KIF1A: variants seen among roughly 807,000 people sequenced by gnomAD.
The protein encoded by KIF1A is kinesin family member 1A.
In KIF1A, 46 loss-of-function variants were observed where a neutral mutation model predicts 227.3. That is an observed-to-expected ratio of 0.20 (90% CI 0.16 to 0.26). The LOEUF is 0.26. KIF1A is among the 10% of genes least tolerant of loss of function. KIF1A has a pLI of 1.00. For synonymous variants in KIF1A, 1,022 were observed against 1,012.8 expected, an observed-to-expected ratio of 1.01 and a Z score of -0.17; for missense variants, 1,683 against 2,485.9, an observed-to-expected ratio of 0.68 and a Z score of 6.87.
At position 240,786,484 on chromosome 2, in the gene KIF1A, G is replaced by A. The variant is rs201515208; in HGVS notation, c.459C>T (p.Arg153=). ...TCTTGGGGTTCAGGAGGTCACGGACGCGCTCACAGTAAATCTCCATGTAGC... is the reference window on the plus strand; with the variant it reads ...TCTTGGGGTTCAGGAGGTCACGGACACGCTCACAGTAAATCTCCATGTAGC... The part of the protein sequence containing the change: ...EVSYMEIYCE[R]VRDLLNPKNK... The change falls in exon 6 of 49, where the codon CGC becomes CGT. Residue 153 remains arginine (R), a synonymous_variant. Coordinates refer to ENST00000498729, the MANE Select transcript of KIF1A (RefSeq NM_001244008.2). The A allele has an allele frequency of 1.2e-4, 187 of 1,613,324 alleles. No individual in the cohort carries two copies. Among genetic ancestry groups the A allele is most frequent in the Non-Finnish European group, 1.4e-4 (170 of 1,179,734 alleles).
chr2:240,771,341 C>CT (rs1198452070), intron 14 of KIF1A: 2 of 596,978 alleles, frequency 3.4e-6, no homozygotes, highest in Non-Finnish European at 6.0e-6. Context: ...CATGCAAGGC[C>CT]TTCCTGCCAC....
intron 46 of KIF1A, 46 bp from the exon 47 acceptor site, chr2:240,719,244 CGACT>C: frequency 6.4e-7 from 1 of 1,566,764 alleles, no homozygotes; most frequent in Non-Finnish European, 8.7e-7. Flanking sequence ...GTGGGGGCAG[CGACT>C]GACTCGGGCA....
At chr2:240,765,312 C>T (rs2051033885) in intron 20 of KIF1A, among the ~76,000 whole-genome samples, 2 of 152,230 alleles carry the variant, frequency 1.3e-5, no homozygotes, top group African/African-American at 4.8e-5. Context: ...AGCAGCCCAC[C>T]CCACTGAGCT....
chr2:240,818,161 C>T (rs1575686677), intron 1 of KIF1A, among the ~76,000 whole-genome samples: 1 of 152,188 alleles, frequency 6.6e-6, no homozygotes, highest in East Asian at 1.9e-4. Context: ...GGGACCCCTG[C>T]CTTGACAACT....
chr2:240,722,055 C>T (rs906824811), intron 43 of KIF1A, among the ~76,000 whole-genome samples, 171 bp from the exon 44 acceptor site: 1 of 152,176 alleles, frequency 6.6e-6, no homozygotes, highest in Non-Finnish European at 1.5e-5. Context: ...TCGGGTGAGC[C>T]CAGGAAGTCT....
At chr2:240,800,730 C>A (rs1188141051) in intron 1 of KIF1A, among the ~76,000 whole-genome samples, 1 of 152,162 alleles carries the variant, frequency 6.6e-6, no homozygotes, top group Non-Finnish European at 1.5e-5. Context: ...ATTTTAAAAA[C>A]CCAAGCTGAA....
chr2:240,794,297 T>A (rs144143950), intron 2 of KIF1A, among the ~76,000 whole-genome samples: 2 of 152,242 alleles, frequency 1.3e-5, no homozygotes, highest in African/African-American at 4.8e-5. Context: ...TTCTCCAAAA[T>A]GAAAACAGCT....
At chr2:240,811,810 G>T (rs1559548864) in intron 1 of KIF1A, among the ~76,000 whole-genome samples, 1 of 152,194 alleles carries the variant, frequency 6.6e-6, no homozygotes, top group African/African-American at 2.4e-5. Context: ...GCTGGTGGTG[G>T]CAGGGTGGGG....
At position 240,726,870 on chromosome 2, in the gene KIF1A, G is replaced by C; in HGVS notation, c.4078C>G (p.Pro1360Ala). The change falls in exon 39 of 49, where the codon CCT becomes GCT. Residue 1360 changes from proline to alanine, a missense_variant. Coordinates refer to ENST00000498729, the MANE Select transcript of KIF1A (RefSeq NM_001244008.2). The surrounding 1 kb of genome is among the most constrained non-coding windows in gnomAD (Gnocchi z 5.2). Reference protein sequence around the residue: ...HNSLLLNRVTPYREKIYMTLS... With the variant: ...HNSLLLNRVTAYREKIYMTLS... ...GTCATGTAGATTTTCTCTCGATAAG[G>C]GGTGACCCGGTTCAGCAGGAGAGAG... 1 of 1,612,800 alleles carries C rather than the reference G, an allele frequency of 6.2e-7. No homozygotes were observed. The highest frequency in any genetic ancestry group is 8.5e-7 in the Non-Finnish European group (1 of 1,179,480).
At chr2:240,785,963 C>A (rs1296084082) in intron 6 of KIF1A, among the ~76,000 whole-genome samples, 2 of 152,180 alleles carry the variant, frequency 1.3e-5, no homozygotes, top group Non-Finnish European at 2.9e-5. Context: ...AGCCGACCCT[C>A]CCCACATGCC....
intron 27 of KIF1A, among the ~76,000 whole-genome samples, chr2:240,750,983 C>T (rs1284207368): frequency 6.6e-6 from 1 of 152,170 alleles, no homozygotes; most frequent in Non-Finnish European, 1.5e-5. Flanking sequence ...CTGATGCTCA[C>T]GGACCCCGCA....
intron 20 of KIF1A, among the ~76,000 whole-genome samples, chr2:240,764,634 C>T (rs1167028916): frequency 6.6e-6 from 1 of 152,164 alleles, no homozygotes; most frequent in African/African-American, 2.4e-5. Context: ...GAAAGGGTCT[C>T]CCCTGTTCCA....
chr2:240,787,810 T>C (rs2055138548), intron 4 of KIF1A, among the ~76,000 whole-genome samples: 1 of 152,168 alleles, frequency 6.6e-6, no homozygotes, highest in Non-Finnish European at 1.5e-5. Flanking sequence ...CTTAGGCACA[T>C]GATCAAGGTG....
Position 240,778,724 on chromosome 2 carries a change from G to A in KIF1A, c.883-2798C>T, listed in dbSNP as rs972432510. On this transcript the variant is annotated intron_variant, in intron 10 of 48. Coordinates refer to ENST00000498729, the MANE Select transcript of KIF1A (RefSeq NM_001244008.2). This position sits in a 1 kb window ranked among gnomAD's most constrained non-coding sequence, Gnocchi z 7.2. ...TCCCATCCAGCTCCTCACACTCCCC[G>A]ACAACCCCTCGCACACGTCTCTGCA... 2.8e-5 allele frequency among the ~76,000 whole-genome samples: 4 copies of A among 144,166 alleles called. No individual in the cohort carries two copies. The highest frequency in any genetic ancestry group is 5.2e-5 in the African/African-American group (2 of 38,416). The allele number at this position is 144,166 out of a possible 152,430, so 94.6% of individuals were successfully genotyped here.
intron 20 of KIF1A, among the ~76,000 whole-genome samples, chr2:240,764,426 C>G (rs1179910161): frequency 6.6e-6 from 1 of 152,166 alleles, no homozygotes. Flanking sequence ...ACACCGACTC[C>G]CCATTACAAG....
chr2:240,802,762 GC>G (rs2057078121), intron 1 of KIF1A, among the ~76,000 whole-genome samples: 1 of 152,160 alleles, frequency 6.6e-6, no homozygotes, highest in South Asian at 2.1e-4. Flanking sequence ...TTCTTGAGGA[GC>G]TGGGACTATG....
intron 1 of KIF1A, among the ~76,000 whole-genome samples, chr2:240,818,495 G>A (rs902062998): frequency 6.6e-6 from 1 of 152,128 alleles, no homozygotes; most frequent in Non-Finnish European, 1.5e-5. Flanking sequence ...CCTGGCCCTG[G>A]CCCATCCCAC....
chr2:240,729,633 C>T (rs2125654792), intron 38 of KIF1A, among the ~76,000 whole-genome samples: 1 of 152,378 alleles, frequency 6.6e-6, no homozygotes, highest in Admixed American at 6.5e-5. Flanking sequence ...GAACATGAAC[C>T]CACTTCCACA....
intron 10 of KIF1A, among the ~76,000 whole-genome samples, chr2:240,776,888 A>C (rs4676369): frequency 6.6e-6 from 1 of 152,052 alleles, no homozygotes; most frequent in Non-Finnish European, 1.5e-5. Context: ...TGAGACTCCC[A>C]GTCAAAGGGG....
Sources: gnomAD v4.1 joint callset for allele counts (sites outside exome capture counted in the v4.1 genomes callset) on GRCh38, gnomAD v4.1.1 for gene constraint, Gnocchi (gnomAD v3.1) non-coding constraint, MANE v1.5 for transcripts, NCBI Gene and HGNC (gene_info 2026-07-23, HGNC 2026-07-21) for gene names.